Variants in GRM5 observed in about 807,000 individuals in gnomAD.
GRM5 encodes glutamate metabotropic receptor 5.
A neutral mutation model predicts 83.1 loss-of-function variants in GRM5; 19 were observed. The observed-to-expected ratio is 0.23, with a 90% CI of 0.16 to 0.34. The LOEUF is 0.34. GRM5 is among the 10% of genes least tolerant of loss of function. The pLI is 1.00. For missense variants in GRM5, 1,160 were observed against 1,588.3 expected (o/e 0.73, Z 4.58); for synonymous variants, 675 against 633.6 (o/e 1.07, Z -0.98).
chr11:88,934,334 T>C (rs1420915251), intron 2 of GRM5, among the ~76,000 whole-genome samples: 1 of 151,910 alleles, frequency 6.6e-6, no homozygotes, highest in Non-Finnish European at 1.5e-5. Context: ...ATCTTCCGGA[T>C]GATAACCTAA....
At chr11:88,721,840 A>T (rs1335074356) in intron 3 of GRM5, among the ~76,000 whole-genome samples, 7 of 152,156 alleles carry the variant, frequency 4.6e-5, no homozygotes, top group Non-Finnish European at 8.8e-5. Flanking sequence ...GAAATTGACA[A>T]AGGAAAAGAC....
intron 7 of GRM5, among the ~76,000 whole-genome samples, chr11:88,577,574 C>T (rs190170061): frequency 6.6e-6 from 1 of 152,230 alleles, no homozygotes; most frequent in Admixed American, 6.5e-5. Flanking sequence ...CTCTGCTAGT[C>T]ATTGTATTGA....
chr11:88,938,360 G>T (rs184929392), intron 2 of GRM5, among the ~76,000 whole-genome samples: 59 of 151,490 alleles, frequency 3.9e-4, no homozygotes, highest in African/African-American at 1.3e-3. Flanking sequence ...AAATGGGAGA[G>T]ACATCTTTTA....
At chr11:88,644,616 A>T (rs1342787031) in intron 4 of GRM5, among the ~76,000 whole-genome samples, 1 of 152,164 alleles carries the variant, frequency 6.6e-6, no homozygotes, top group Non-Finnish European at 1.5e-5. Context: ...GCAGTAAACT[A>T]CTTTCTGTGT....
chr11:88,543,916 C>G (rs1288763925), intron 8 of GRM5, among the ~76,000 whole-genome samples: 1 of 151,940 alleles, frequency 6.6e-6, no homozygotes, highest in Non-Finnish European at 1.5e-5. Flanking sequence ...TGCCGTGTAA[C>G]AGTATTAAGA....
intron 4 of GRM5, among the ~76,000 whole-genome samples, chr11:88,635,425 G>C (rs913777669): frequency 2.6e-5 from 4 of 152,142 alleles, no homozygotes; most frequent in Non-Finnish European, 4.4e-5. Flanking sequence ...ATGGTTAGCA[G>C]TGTTAAGCAC....
chr11:88,804,420 G>A (rs1183948001), intron 3 of GRM5, among the ~76,000 whole-genome samples: 1 of 149,968 alleles, frequency 6.7e-6, no homozygotes, highest in Non-Finnish European at 1.5e-5. Flanking sequence ...ATCATTCTCA[G>A]TAAACTATCG....
chr11:88,568,395 G>A (rs1243657664), intron 7 of GRM5, among the ~76,000 whole-genome samples: 1 of 152,138 alleles, frequency 6.6e-6, no homozygotes, highest in African/African-American at 2.4e-5. Context: ...TTGGTTTGAT[G>A]GAGTTGGGGA....
At chr11:88,869,463 T>C (rs1457796445) in intron 2 of GRM5, among the ~76,000 whole-genome samples, 1 of 151,674 alleles carries the variant, frequency 6.6e-6, no homozygotes, top group Non-Finnish European at 1.5e-5. Context: ...TTCCTGGAAA[T>C]AGATCCCTGT....
intron 4 of GRM5, among the ~76,000 whole-genome samples, chr11:88,648,641 C>G (rs1254824677): frequency 3.3e-5 from 2 of 61,040 alleles, no homozygotes; most frequent in Non-Finnish European, 8.9e-5. Context: ...TACCCTAAAA[C>G]TTAAAGTATA....
At chr11:88,867,222 G>C (rs1944686688) in intron 2 of GRM5, among the ~76,000 whole-genome samples, 1 of 151,530 alleles carries the variant, frequency 6.6e-6, no homozygotes, top group African/African-American at 2.4e-5. Flanking sequence ...ATTTAAAGTA[G>C]TTTTTTTTCT....
chr11:88,988,186 C>G (rs1472447949), intron 2 of GRM5, among the ~76,000 whole-genome samples: 1 of 151,778 alleles, frequency 6.6e-6, no homozygotes, highest in Non-Finnish European at 1.5e-5. Context: ...GAGCTGAAAA[C>G]CAAGGCTCGA....
intron 8 of GRM5, among the ~76,000 whole-genome samples, chr11:88,528,527 G>C (rs1192470187): frequency 6.6e-6 from 1 of 151,880 alleles, no homozygotes; most frequent in African/African-American, 2.4e-5. Flanking sequence ...ATATGGAATT[G>C]TCAATTAAAA....
chr11:88,946,486 G>A (rs1384327736), intron 2 of GRM5, among the ~76,000 whole-genome samples: 1 of 151,962 alleles, frequency 6.6e-6, no homozygotes. Flanking sequence ...ATCAATCCAG[G>A]TGCCCATTAA....
chr11:88,544,345 T>C (rs1223254319), intron 8 of GRM5, among the ~76,000 whole-genome samples: 1 of 152,238 alleles, frequency 6.6e-6, no homozygotes, highest in Admixed American at 6.5e-5. Context: ...TGTGACTGAC[T>C]TCTGGTCACT....
chr11:88,574,796 T>C (rs1328941703), intron 7 of GRM5, among the ~76,000 whole-genome samples: 1 of 152,120 alleles, frequency 6.6e-6, no homozygotes, highest in Non-Finnish European at 1.5e-5. Context: ...TCATGCTGAC[T>C]AGTCATTTGG....
At chr11:88,898,172 C>A (rs1226477507) in intron 2 of GRM5, among the ~76,000 whole-genome samples, 1 of 151,894 alleles carries the variant, frequency 6.6e-6, no homozygotes, top group African/African-American at 2.4e-5. Context: ...CTTCACATGA[C>A]CTTCTCTCTG....
rs1379635599 is a variant in GRM5 at position 89,008,968 on chromosome 11, A to C, written c.661+38244T>G. The C allele has an allele frequency of 1.8e-5, 11 of 595,786 alleles. No individual in the cohort carries two copies. The East Asian group carries it at 3.1e-4, about 17-fold the overall frequency. 36.9% of individuals were successfully genotyped at this position (595,786 alleles called of 1,614,324 possible). ...CATAATTTTAAAAACATAACTGACAAGTGATAACTTTTTACTTACAACTAA... is the reference window on the plus strand; with the variant it reads ...CATAATTTTAAAAACATAACTGACACGTGATAACTTTTTACTTACAACTAA... On this transcript the variant is annotated intron_variant, in intron 2 of 9. Coordinates refer to ENST00000305447, the MANE Select transcript of GRM5 (RefSeq NM_001143831.3).
intron 4 of GRM5, among the ~76,000 whole-genome samples, chr11:88,610,586 C>T (rs1397770940): frequency 3.9e-5 from 6 of 152,022 alleles, no homozygotes; most frequent in African/African-American, 7.2e-5. Context: ...GAAACTTTAC[C>T]GAAGTTGTTT....
Sources: allele counts gnomAD v4.1 joint callset (sites outside exome capture counted in the v4.1 genomes callset), GRCh38; gene constraint gnomAD v4.1.1; transcripts MANE v1.5; gene names NCBI Gene and HGNC (gene_info 2026-07-23, HGNC 2026-07-21).